Variants in PPP2R2C observed in about 807,000 individuals in gnomAD.
PPP2R2C encodes the protein protein phosphatase 2, regulatory subunit B, gamma.
PPP2R2C carries 10 observed loss-of-function variants against 45.3 expected under a neutral mutation model. The observed-to-expected ratio is 0.22, with a 90% CI of 0.14 to 0.37. The LOEUF is 0.37. PPP2R2C is among the 10% of genes least tolerant of loss of function. PPP2R2C has a pLI of 1.00. For missense variants in PPP2R2C, 308 were observed against 619.7 expected, an observed-to-expected ratio of 0.50 and a Z score of 5.34; for synonymous variants, 257 against 245.4, an observed-to-expected ratio of 1.05 and a Z score of -0.44.
At chr4:6,560,659 T>C (rs993132326) in intron 1 of PPP2R2C, among the ~76,000 whole-genome samples, 7 of 152,188 alleles carry the variant, frequency 4.6e-5, no homozygotes, top group Non-Finnish European at 8.8e-5. Context: ...TCCACAGCCA[T>C]GGGGTTGGAG....
chr4:6,440,659 C>T (rs1560548935), intron 1 of PPP2R2C, among the ~76,000 whole-genome samples: 3 of 152,320 alleles, frequency 2.0e-5, no homozygotes, highest in South Asian at 2.1e-4. Flanking sequence ...TTCTGGCCCC[C>T]GGTTTGCTGT....
chr4:6,371,970 G>A (rs372014543), intron 5 of PPP2R2C, among the ~76,000 whole-genome samples: 2 of 152,134 alleles, frequency 1.3e-5, no homozygotes, highest in African/African-American at 2.4e-5. Flanking sequence ...CCCAGCAGTC[G>A]GCGGGAATCG....
At chr4:6,415,343 T>G (rs1718504665) in intron 1 of PPP2R2C, among the ~76,000 whole-genome samples, 1 of 152,236 alleles carries the variant, frequency 6.6e-6, no homozygotes, top group Admixed American at 6.5e-5. Context: ...GCCTCTTATT[T>G]CAAAGGCAAA....
intron 1 of PPP2R2C, among the ~76,000 whole-genome samples, chr4:6,554,619 G>A (rs1378382238): frequency 6.6e-6 from 1 of 152,096 alleles, no homozygotes; most frequent in African/African-American, 2.4e-5. Context: ...CAGCACTTTG[G>A]GAGGCCAAGG....
chr4:6,446,573 C>A (rs1472595268), intron 1 of PPP2R2C, among the ~76,000 whole-genome samples: 3 of 152,204 alleles, frequency 2.0e-5, no homozygotes, highest in Non-Finnish European at 4.4e-5. Context: ...CCAGGACACA[C>A]TGAAAAGCAT....
chr4:6,467,846 C>T (rs920677802), intron 1 of PPP2R2C, among the ~76,000 whole-genome samples: 1 of 152,198 alleles, frequency 6.6e-6, no homozygotes, highest in African/African-American at 2.4e-5. Context: ...ACGGTGGTGG[C>T]CTAAGACTTG....
chr4:6,390,472 C>T (rs1365986224), intron 1 of PPP2R2C, among the ~76,000 whole-genome samples: 1 of 152,196 alleles, frequency 6.6e-6, no homozygotes, highest in African/African-American at 2.4e-5. Context: ...CCCTTCCCAG[C>T]CAACAAGAGC....
intron 1 of PPP2R2C, among the ~76,000 whole-genome samples, chr4:6,417,224 G>T (rs1192314878): frequency 6.6e-6 from 1 of 152,232 alleles, no homozygotes; most frequent in African/African-American, 2.4e-5. Flanking sequence ...GGAGGAGGGA[G>T]TAAGAGAAAA....
chr4:6,409,903 T>G (rs1016224681), intron 1 of PPP2R2C, among the ~76,000 whole-genome samples: 1 of 152,214 alleles, frequency 6.6e-6, no homozygotes, highest in Non-Finnish European at 1.5e-5. Flanking sequence ...TTATCTAACA[T>G]CTGGTGGATG....
At chr4:6,419,039 T>C (rs1398971785) in intron 1 of PPP2R2C, among the ~76,000 whole-genome samples, 1 of 152,154 alleles carries the variant, frequency 6.6e-6, no homozygotes, top group Non-Finnish European at 1.5e-5. Context: ...CGGTGAGGGT[T>C]CCCCTAGGGC....
At chr4:6,402,877 G>A (rs915933441) in intron 1 of PPP2R2C, among the ~76,000 whole-genome samples, 8 of 152,220 alleles carry the variant, frequency 5.3e-5, no homozygotes, top group Non-Finnish European at 1.2e-4. Flanking sequence ...GCAGAGAGGA[G>A]GGAGGCAGGA....
chr4:6,361,940 G>T (rs756225056), intron 5 of PPP2R2C, among the ~76,000 whole-genome samples: 1 of 152,212 alleles, frequency 6.6e-6, no homozygotes, highest in African/African-American at 2.4e-5. Context: ...CCCTGAGATG[G>T]TGCAGAGTCA....
At chr4:6,543,791 T>C (rs1724884738) in intron 1 of PPP2R2C, among the ~76,000 whole-genome samples, 1 of 152,186 alleles carries the variant, frequency 6.6e-6, no homozygotes, top group African/African-American at 2.4e-5. Flanking sequence ...GGACATCCAG[T>C]TGCCACCTCA....
intron 1 of PPP2R2C, among the ~76,000 whole-genome samples, chr4:6,462,855 G>A (rs1721399990): frequency 6.6e-6 from 1 of 152,188 alleles, no homozygotes; most frequent in South Asian, 2.1e-4. Flanking sequence ...AGGAAGTACA[G>A]CAAGATCTTG....
Position 6,375,842 on chromosome 4 carries a change from G to T in PPP2R2C, c.424C>A (p.Leu142Met), listed in dbSNP as rs139419142. Residue 142 changes from leucine to methionine, a missense_variant, in exon 4 of 9, where the codon CTG (leucine) becomes ATG (methionine). Leu to Met is a conservative substitution (Grantham distance 15). Transcript: ENST00000382599. ...ACCTGCAGTGACGTCACCGTGGACA[G>T]GTCCTTAAGTTTCCCCTCTTCATCC... ...LKDEEGKLKD[L>M]STVTSLQVPV... 2.2e-4 allele frequency: 355 copies of T among 1,613,996 alleles called. 1 individual carries two copies. The highest frequency in any genetic ancestry group is 2.2e-3 in the Middle Eastern group (13 of 6,036).
At chr4:6,526,573 C>T (rs4379122) in intron 2 of PPP2R2C, among the ~76,000 whole-genome samples, 40,406 of 152,164 alleles carry the variant, frequency 0.27, 6,578 homozygotes, top group Admixed American at 0.35. Context: ...TGGTCGTGAA[C>T]GCTCCATGTT....
chr4:6,529,630 C>T (rs1205772017), intron 2 of PPP2R2C, among the ~76,000 whole-genome samples: 1 of 152,216 alleles, frequency 6.6e-6, no homozygotes, highest in African/African-American at 2.4e-5. Context: ...CTACCCCATC[C>T]CCCATCCCTC....
intron 6 of PPP2R2C, among the ~76,000 whole-genome samples, chr4:6,338,371 G>C (rs896107797): frequency 6.6e-6 from 1 of 152,236 alleles, no homozygotes; most frequent in African/African-American, 2.4e-5. Context: ...GTGTTGCACG[G>C]TGTTGTGGCC....
At chr4:6,436,101 C>T (rs1719879313) in intron 1 of PPP2R2C, among the ~76,000 whole-genome samples, 1 of 152,328 alleles carries the variant, frequency 6.6e-6, no homozygotes, top group Middle Eastern at 3.4e-3. Context: ...CAAGAAGGCA[C>T]CATCTATGAA....
Sources: gnomAD v4.1 joint callset for allele counts (sites outside exome capture counted in the v4.1 genomes callset) on GRCh38, gnomAD v4.1.1 for gene constraint, MANE v1.5 for transcripts, NCBI Gene and HGNC (gene_info 2026-07-23, HGNC 2026-07-21) for gene names.